Variants in CNTNAP2 observed in about 807,000 individuals in gnomAD.
The protein encoded by CNTNAP2 is contactin associated protein 2, also known as contactin-associated protein-like 2.
CNTNAP2 carries 98 observed loss-of-function variants against 155.2 expected under a neutral mutation model. That is an observed-to-expected ratio of 0.63 (90% confidence interval 0.54 to 0.75). CNTNAP2 has a LOEUF of 0.75. CNTNAP2 is among the 30% of genes least tolerant of loss of function. CNTNAP2 has a pLI of 0.00. For synonymous variants in CNTNAP2, 651 were observed against 631.2 expected (o/e 1.03, Z -0.47); for missense variants, 1,727 against 1,688.1 (o/e 1.02, Z -0.40).
rs146331554 is a variant in CNTNAP2, at chr7:148,367,366, A to T, written c.3476-16283A>T. Among the ~76,000 whole-genome samples the T allele has an allele frequency of 7.7e-3, 1,180 of 152,340 alleles. 17 individuals are homozygous for T. Among genetic ancestry groups the T allele is most frequent in the African/African-American group, 0.027 (1,118 of 41,574 alleles). ...ATAACATTTAAAATCAGAAGAAAAA[A>T]ATGAACTGTTAAGTCAAAGGAAAAA... On this transcript the variant is annotated intron_variant, in intron 21 of 23. Coordinates refer to ENST00000361727, the MANE Select transcript of CNTNAP2 (RefSeq NM_014141.6).
At chr7:146,867,487 G>T (rs940045804) in intron 3 of CNTNAP2, among the ~76,000 whole-genome samples, 1 of 152,090 alleles carries the variant, frequency 6.6e-6, no homozygotes, top group Non-Finnish European at 1.5e-5. Context: ...AACATCACGT[G>T]CATGTGTCTT....
intron 1 of CNTNAP2, among the ~76,000 whole-genome samples, chr7:146,205,894 G>A (rs1798939447): frequency 6.6e-6 from 1 of 151,798 alleles, no homozygotes; most frequent in South Asian, 2.1e-4. Flanking sequence ...GTCTCTGGGA[G>A]AGCACAGCAG....
chr7:148,354,519 C>T (rs1322739124), intron 21 of CNTNAP2, among the ~76,000 whole-genome samples: 3 of 152,040 alleles, frequency 2.0e-5, no homozygotes, highest in East Asian at 3.9e-4. Flanking sequence ...CTGCCTGCCT[C>T]CTCCCTCCAC....
intron 3 of CNTNAP2, among the ~76,000 whole-genome samples, chr7:146,912,903 C>T (rs917562309): frequency 6.6e-6 from 1 of 152,112 alleles, no homozygotes; most frequent in Non-Finnish European, 1.5e-5. Context: ...ACTGCAGTAA[C>T]ATTTGATATA....
intron 12 of CNTNAP2, among the ~76,000 whole-genome samples, chr7:147,629,383 A>G (rs1183365268): frequency 6.7e-6 from 1 of 148,928 alleles, no homozygotes; most frequent in Non-Finnish European, 1.5e-5. Context: ...AGCCTGGGCA[A>G]CAAGAGCAAA....
At chr7:147,277,710 C>T (rs1804929629) in intron 8 of CNTNAP2, among the ~76,000 whole-genome samples, 1 of 151,694 alleles carries the variant, frequency 6.6e-6, no homozygotes, top group Non-Finnish European at 1.5e-5. Flanking sequence ...TTCATCCTCC[C>T]AAGAAATCTG....
At chr7:147,203,158 AC>A (rs1347059536) in intron 8 of CNTNAP2, among the ~76,000 whole-genome samples, 1 of 152,180 alleles carries the variant, frequency 6.6e-6, no homozygotes, top group East Asian at 1.9e-4. Flanking sequence ...ATTTACATTG[AC>A]ACAAAAAGTT....
intron 2 of CNTNAP2, among the ~76,000 whole-genome samples, chr7:146,822,317 G>A (rs528759944): frequency 1.4e-4 from 22 of 152,104 alleles, no homozygotes; most frequent in African/African-American, 5.3e-4. Context: ...TCTGGGGCCT[G>A]TTGTGGCGTG....
chr7:146,837,193 G>C (rs1803634406), intron 2 of CNTNAP2, among the ~76,000 whole-genome samples: 1 of 151,990 alleles, frequency 6.6e-6, no homozygotes, highest in South Asian at 2.1e-4. Flanking sequence ...CCACTTGCAT[G>C]ATTGTTAGGG....
intron 3 of CNTNAP2, among the ~76,000 whole-genome samples, chr7:146,891,845 T>C (rs1184796231): frequency 1.3e-5 from 2 of 152,156 alleles, no homozygotes; most frequent in African/African-American, 2.4e-5. Flanking sequence ...AGAAATGGTA[T>C]CCATTTTTTT....
intron 10 of CNTNAP2, among the ~76,000 whole-genome samples, chr7:147,415,474 A>T (rs911135506): frequency 7.2e-5 from 11 of 152,244 alleles, no homozygotes; most frequent in Non-Finnish European, 1.3e-4. Flanking sequence ...AGATCTGATG[A>T]CTTTTTAAGC....
At chr7:146,658,640 A>G (rs1416234382) in intron 1 of CNTNAP2, among the ~76,000 whole-genome samples, 2 of 152,196 alleles carry the variant, frequency 1.3e-5, no homozygotes, top group Non-Finnish European at 2.9e-5. Flanking sequence ...TAAAGCAGAG[A>G]AGGCTAAAGG....
chr7:146,132,559 TC>T (rs1441378639), intron 1 of CNTNAP2, among the ~76,000 whole-genome samples: 1 of 81,468 alleles, frequency 1.2e-5, no homozygotes, highest in East Asian at 4.4e-4. Flanking sequence ...ATGCTATCCC[TC>T]CCCCCTCCCC....
At chr7:146,262,110 T>A (rs992725291) in intron 1 of CNTNAP2, among the ~76,000 whole-genome samples, 1 of 152,154 alleles carries the variant, frequency 6.6e-6, no homozygotes. Flanking sequence ...ACTCAGCCAT[T>A]TCATTTCAAC....
intron 3 of CNTNAP2, among the ~76,000 whole-genome samples, chr7:147,033,783 A>G (rs1190751740): frequency 6.6e-6 from 1 of 150,622 alleles, no homozygotes; most frequent in Admixed American, 6.7e-5. Flanking sequence ...AGTAATCACA[A>G]TTGAGTGAAG....
At chr7:147,690,510 A>G (rs1796071847) in intron 13 of CNTNAP2, among the ~76,000 whole-genome samples, 1 of 152,166 alleles carries the variant, frequency 6.6e-6, no homozygotes, top group Admixed American at 6.6e-5. Context: ...ACAATCATAC[A>G]TAGACTCTTG....
chr7:148,364,577 G>C (rs899863252), intron 21 of CNTNAP2, among the ~76,000 whole-genome samples: 1 of 152,148 alleles, frequency 6.6e-6, no homozygotes, highest in Non-Finnish European at 1.5e-5. Flanking sequence ...TGCACCAATC[G>C]ACACTCTGTA....
intron 3 of CNTNAP2, among the ~76,000 whole-genome samples, chr7:146,968,700 T>C (rs2129232599): frequency 6.6e-6 from 1 of 152,154 alleles, no homozygotes; most frequent in Middle Eastern, 3.4e-3. Context: ...TTCTTCTCTC[T>C]TTTCTTCTTT....
intron 10 of CNTNAP2, among the ~76,000 whole-genome samples, chr7:147,480,712 T>C (rs1798406527): frequency 6.6e-6 from 1 of 152,174 alleles, no homozygotes; most frequent in Non-Finnish European, 1.5e-5. Flanking sequence ...TCTTCTCTCC[T>C]TGTGCTCCCT....
Sources: gnomAD v4.1 joint callset for allele counts (sites outside exome capture counted in the v4.1 genomes callset) on GRCh38, gnomAD v4.1.1 for gene constraint, MANE v1.5 for transcripts, NCBI Gene and HGNC (gene_info 2026-07-23, HGNC 2026-07-21) for gene names.